Variants in TTC28 observed in about 807,000 individuals in gnomAD.
The protein encoded by TTC28 is tetratricopeptide repeat protein 28.
TTC28 carries 61 observed loss-of-function variants against 198.0 expected under a neutral mutation model. That is an observed-to-expected ratio of 0.31 (90% CI 0.25 to 0.38). The LOEUF (loss-of-function observed/expected upper bound fraction) is 0.38, where lower values mean the gene tolerates loss of function less well. Among genes scored for constraint, TTC28 ranks in the 10% least tolerant of loss-of-function variants. The pLI is 1.00. For synonymous variants in TTC28, 1,171 were observed against 1,297.8 expected (o/e 0.90, Z 2.10); for missense variants, 2,678 against 3,164.0 (o/e 0.85, Z 3.69).
chr22:28,098,980 T>A lies in TTC28; in HGVS notation c.3482A>T (p.Lys1161Ile). 6.4e-7 allele frequency: 1 copy of A among 1,551,792 alleles called. No individual in the cohort carries two copies. The highest frequency in any genetic ancestry group is 1.4e-5 in the African/African-American group (1 of 73,144). The change falls in exon 10 of 23, where the codon AAA (lysine) becomes ATA (isoleucine). Residue 1161 changes from lysine to isoleucine, a missense_variant. Physicochemically the swap from Lys to Ile is moderately radical, Grantham distance 102 (BLOSUM62 -3). This residue lies in a region of TTC28 where 727 missense variants were observed against 861.9 expected (regional missense o/e 0.84). Transcript: ENST00000397906. ...TGTCTGCAGGTCAAAGAGGGAGAGT[T>A]TGTAGTCCGTGCTCAGCTGTGCCTC... ...RHEAQLSTDY[K>I]LSLFDLQTSS...
At chr22:28,128,274 C>T (rs1031183818) in intron 6 of TTC28, among the ~76,000 whole-genome samples, 18 of 151,814 alleles carry the variant, frequency 1.2e-4, no homozygotes, top group African/African-American at 4.1e-4. Flanking sequence ...GCCGAGATTG[C>T]GCCATTACAC....
At chr22:28,184,728 A>G (rs1924035909) in intron 5 of TTC28, among the ~76,000 whole-genome samples, 1 of 152,142 alleles carries the variant, frequency 6.6e-6, no homozygotes. Context: ...CATCATATTA[A>G]TTTTAAATTT....
chr22:28,240,796 G>A (rs1569216435), intron 5 of TTC28, among the ~76,000 whole-genome samples: 2 of 152,180 alleles, frequency 1.3e-5, no homozygotes, highest in Non-Finnish European at 2.9e-5. Flanking sequence ...ATGGAGACAA[G>A]TCAAAAGAAT....
At chr22:28,314,399 T>G (rs1022765871) in intron 2 of TTC28, among the ~76,000 whole-genome samples, 1 of 152,172 alleles carries the variant, frequency 6.6e-6, no homozygotes, top group Non-Finnish European at 1.5e-5. Flanking sequence ...AGAGCCCACA[T>G]AGCCAAGACA....
In TTC28 at chr22:28,222,764, TG is replaced by T. The variant is rs1389430312; in HGVS notation, c.934-59166del. ...TTGAAATGAATCTTTCAAATCCAAT[TG>T]TTCATACTCAAGGTGACCCCAACAA... On this transcript the variant is annotated intron_variant, in intron 5 of 22. Coordinates refer to ENST00000397906, the MANE Select transcript of TTC28 (RefSeq NM_001145418.2). Among the ~76,000 whole-genome samples, 5 of 152,350 alleles carry T rather than the reference TG, an allele frequency of 3.3e-5. No individual in the cohort carries two copies. In the East Asian group the frequency reaches 9.6e-4, roughly 29 times the overall value.
chr22:28,661,204 A>G (rs2051739766), intron 1 of TTC28, among the ~76,000 whole-genome samples: 8 of 151,980 alleles, frequency 5.3e-5, no homozygotes, highest in Admixed American at 5.2e-4. Flanking sequence ...GAATCCCTTG[A>G]ACCCAGGAGG....
chr22:28,256,758 G>A (rs1930951840), intron 5 of TTC28, among the ~76,000 whole-genome samples: 1 of 152,204 alleles, frequency 6.6e-6, no homozygotes. Context: ...AGACACATAA[G>A]ACTGGGCATA....
At chr22:28,644,720 G>C (rs2051427396) in intron 1 of TTC28, among the ~76,000 whole-genome samples, 1 of 152,044 alleles carries the variant, frequency 6.6e-6, no homozygotes, top group African/African-American at 2.4e-5. Context: ...CTACTTGGGA[G>C]GCTGAGGTGG....
At chr22:28,346,377 G>A (rs2045902530) in intron 2 of TTC28, among the ~76,000 whole-genome samples, 2 of 152,312 alleles carry the variant, frequency 1.3e-5, no homozygotes, top group African/African-American at 2.4e-5. Context: ...TGGGGACAAA[G>A]ACATGTACTG....
intron 5 of TTC28, among the ~76,000 whole-genome samples, chr22:28,196,215 G>A (rs1465923991): frequency 7.9e-5 from 12 of 152,186 alleles, no homozygotes; most frequent in Non-Finnish European, 8.8e-5. Flanking sequence ...AAATGGTGCT[G>A]GGAAAACTGG....
chr22:28,407,072 G>A (rs2047007948), intron 2 of TTC28, among the ~76,000 whole-genome samples: 1 of 152,060 alleles, frequency 6.6e-6, no homozygotes, highest in South Asian at 2.1e-4. Context: ...TTGACAACTG[G>A]ATAAGTTATA....
intron 1 of TTC28, among the ~76,000 whole-genome samples, chr22:28,663,435 T>G (rs1315959139): frequency 1.4e-5 from 2 of 145,552 alleles, no homozygotes; most frequent in East Asian, 2.0e-4. Context: ...GGCCAGTGTG[T>G]GTGCGCACCG....
rs66590909 is a variant in TTC28 at position 28,257,739 on chromosome 22, CATATATATAT to C, written c.933+38449_933+38458del. Among the ~76,000 whole-genome samples, 265 of 96,558 alleles carry C rather than the reference CATATATATAT, an allele frequency of 2.7e-3. 1 individual carries two copies. Among genetic ancestry groups the C allele is most frequent in the Middle Eastern group, 0.01 (2 of 200 alleles). The allele number at this position is 96,558 out of a possible 152,430, so 63.3% of individuals were successfully genotyped here. ...TTACCATCTTTAGATGGTAATAGAA[CATATATATAT>C]ATATATATATATATATATATATATA... On this transcript the variant is annotated intron_variant, in intron 5 of 22. Transcript: ENST00000397906.
chr22:28,565,911 A>G (rs2049959641), intron 2 of TTC28, among the ~76,000 whole-genome samples: 1 of 152,228 alleles, frequency 6.6e-6, no homozygotes, highest in Admixed American at 6.5e-5. Context: ...ACAGGGGGAA[A>G]GTGGAAAGCT....
At chr22:28,362,835 G>A (rs1373014064) in intron 2 of TTC28, among the ~76,000 whole-genome samples, 2 of 152,154 alleles carry the variant, frequency 1.3e-5, no homozygotes, top group Non-Finnish European at 2.9e-5. Context: ...TAGGGTATCT[G>A]ATGGAAGAAA....
intron 13 of TTC28, among the ~76,000 whole-genome samples, chr22:28,025,635 T>C (rs1938800940): frequency 6.6e-6 from 1 of 152,108 alleles, no homozygotes; most frequent in African/African-American, 2.4e-5. Context: ...TCCCAGCATT[T>C]TGGGAGGCCA....
intron 5 of TTC28, among the ~76,000 whole-genome samples, chr22:28,271,422 G>C (rs889296245): frequency 6.6e-6 from 1 of 152,066 alleles, no homozygotes; most frequent in African/African-American, 2.4e-5. Context: ...ATCCTCTCTA[G>C]ATTGGAAAAA....
rs1365459875 is a variant in TTC28 at position 27,979,449 on chromosome 22, T to G, written c.*2772A>C. 6.7e-6 allele frequency: 1 copy of G among 148,944 alleles called. No homozygotes were observed. Among genetic ancestry groups the G allele is most frequent in the Non-Finnish European group, 1.5e-5 (1 of 67,656 alleles). 9.2% of individuals were successfully genotyped at this position (148,944 alleles called of 1,614,324 possible). On this transcript the variant is annotated 3_prime_UTR_variant, in exon 23 of 23. Transcript: ENST00000397906. Reference sequence around the variant, plus strand: ...GAGCCAAAATCGCACCAGTGCACTCTATCCTGGGTGACAGAGCGAGACTCT... The same window carrying G: ...GAGCCAAAATCGCACCAGTGCACTCGATCCTGGGTGACAGAGCGAGACTCT...
In TTC28 at chr22:27,993,392, G is replaced by A. The variant is rs889045512; in HGVS notation, c.5371C>T (p.Arg1791Trp). The change falls in exon 18 of 23, where the codon CGG (arginine) becomes TGG (tryptophan). Residue 1791 changes from arginine (R) to tryptophan (W), a missense_variant. Physicochemically the swap from Arg to Trp is moderately radical, Grantham distance 101 (BLOSUM62 -3). Transcript: ENST00000397906. Reference sequence around the variant, plus strand: ...AGGCCACTGGTTGGGGGGTCCAGCCGGAAGCCCACAGCGGTGAGGAGGGCC... The same window carrying A: ...AGGCCACTGGTTGGGGGGTCCAGCCAGAAGCCCACAGCGGTGAGGAGGGCC... ...WQALLTAVGF[R>W]LDPPTSGLPA... 7.1e-6 allele frequency: 11 copies of A among 1,551,182 alleles called. No homozygotes were observed. The highest frequency in any genetic ancestry group is 1.7e-4 in the Middle Eastern group (1 of 6,012).
Sources: gnomAD v4.1 joint callset for allele counts (sites outside exome capture counted in the v4.1 genomes callset) on GRCh38, gnomAD v4.1.1 for gene constraint, gnomAD v4.1.1 regional missense constraint, MANE v1.5 for transcripts, NCBI Gene and HGNC (gene_info 2026-07-23, HGNC 2026-07-21) for gene names.